The following DLGAP1 variants were observed in gnomAD, a reference collection of about 807,000 sequenced individuals.
DLGAP1 encodes the protein DLG associated protein 1.
Under a neutral mutation model 90.8 loss-of-function variants are expected in DLGAP1, and 11 were observed. The observed-to-expected ratio is 0.12, with a 90% CI of 0.08 to 0.20. The LOEUF (loss-of-function observed/expected upper bound fraction) is 0.20, where lower values mean the gene tolerates loss of function less well. Among genes scored for constraint, DLGAP1 ranks in the 10% least tolerant of loss-of-function variants. DLGAP1 has a pLI of 1.00. For missense variants in DLGAP1, 1,050 were observed against 1,333.8 expected (o/e 0.79, Z 3.31); for synonymous variants, 558 against 540.7 (o/e 1.03, Z -0.44).
At chr18:4,143,250 A>G (rs1482764255) in intron 2 of DLGAP1, among the ~76,000 whole-genome samples, 2 of 152,072 alleles carry the variant, frequency 1.3e-5, no homozygotes, top group Admixed American at 1.3e-4. Flanking sequence ...GACACAATCC[A>G]GGAGCCAGGG....
chr18:4,046,957 G>C (rs2075064222), intron 2 of DLGAP1, among the ~76,000 whole-genome samples: 1 of 152,208 alleles, frequency 6.6e-6, no homozygotes, highest in South Asian at 2.1e-4. Context: ...GATAAGACCT[G>C]AGCGAGATGC....
intron 3 of DLGAP1, among the ~76,000 whole-genome samples, chr18:3,914,188 A>G (rs1348060358): frequency 6.6e-6 from 1 of 152,176 alleles, no homozygotes; most frequent in Non-Finnish European, 1.5e-5. Context: ...GAAACTTTGT[A>G]TACTTTCTGA....
intron 1 of DLGAP1, among the ~76,000 whole-genome samples, chr18:4,319,355 TC>T (rs2080618316): frequency 6.6e-6 from 1 of 152,180 alleles, no homozygotes; most frequent in African/African-American, 2.4e-5. Flanking sequence ...CTTCTGTATA[TC>T]CTAATTTAAA....
intron 3 of DLGAP1, among the ~76,000 whole-genome samples, chr18:3,915,107 A>G (rs1288990309): frequency 6.6e-6 from 1 of 152,142 alleles, no homozygotes; most frequent in Non-Finnish European, 1.5e-5. Context: ...CATTTCCCTG[A>G]TGACTAGTGA....
chr18:4,149,394 A>G (rs1054725712), intron 2 of DLGAP1, among the ~76,000 whole-genome samples: 5 of 151,948 alleles, frequency 3.3e-5, no homozygotes. Context: ...TTTTTCTTGG[A>G]GATACTTCAT....
chr18:4,061,543 C>A (rs942689032), intron 2 of DLGAP1, among the ~76,000 whole-genome samples: 2 of 151,432 alleles, frequency 1.3e-5, no homozygotes, highest in Admixed American at 6.6e-5. Context: ...TTATAAAAAT[C>A]TTATCTTATG....
At chr18:4,001,165 A>G (rs1005310455) in intron 3 of DLGAP1, among the ~76,000 whole-genome samples, 15 of 151,846 alleles carry the variant, frequency 9.9e-5, no homozygotes, top group African/African-American at 1.7e-4. Flanking sequence ...GTGTTCATTC[A>G]CTATTTTATT....
At chr18:3,600,657 T>TATCTATAGAGATCTATAGAG (rs1365980956) in intron 7 of DLGAP1, among the ~76,000 whole-genome samples, 5 of 147,264 alleles carry the variant, frequency 3.4e-5, no homozygotes, top group African/African-American at 1.3e-4. Flanking sequence ...GAGATATAGA[T>TATCTATAGAGATCTATAGAG]ATCTATAGAG....
intron 3 of DLGAP1, among the ~76,000 whole-genome samples, chr18:3,996,924 T>C (rs1475912648): frequency 1.3e-5 from 2 of 152,050 alleles, no homozygotes; most frequent in African/African-American, 2.4e-5. Flanking sequence ...CAGATATTGA[T>C]GTTTAGGACT....
chr18:3,772,399 T>C (rs868155672), intron 5 of DLGAP1, among the ~76,000 whole-genome samples: 870 of 36,934 alleles, frequency 0.024, 46 homozygotes, highest in African/African-American at 0.056. Context: ...TTTCTTTCTT[T>C]CTTTCTTTCT....
intron 1 of DLGAP1, among the ~76,000 whole-genome samples, chr18:4,372,456 A>T (rs764721687): frequency 1.1e-4 from 16 of 152,232 alleles, no homozygotes; most frequent in Non-Finnish European, 2.1e-4. Context: ...TCAAAATAGC[A>T]TGTGCTGGAG....
chr18:4,177,405 G>T (rs2077127853), intron 1 of DLGAP1, among the ~76,000 whole-genome samples: 1 of 146,736 alleles, frequency 6.8e-6, no homozygotes, highest in African/African-American at 2.5e-5. Context: ...CACTTCCTTG[G>T]CTTGCTGCTG....
At chr18:3,987,393 T>C (rs2073865118) in intron 3 of DLGAP1, among the ~76,000 whole-genome samples, 2 of 152,182 alleles carry the variant, frequency 1.3e-5, no homozygotes, top group South Asian at 4.1e-4. Flanking sequence ...CTGGCTTCAA[T>C]GGGCACTAAT....
chr18:4,301,609 A>G (rs1177446969), intron 1 of DLGAP1, among the ~76,000 whole-genome samples: 1 of 152,240 alleles, frequency 6.6e-6, no homozygotes, highest in Non-Finnish European at 1.5e-5. Flanking sequence ...GAACACGGAT[A>G]TGCAGATATG....
intron 7 of DLGAP1, chr18:3,596,973 T>C (rs549587979): frequency 1.9e-6 from 1 of 520,028 alleles, no homozygotes; most frequent in South Asian, 1.4e-5. Context: ...ATGTCCCCCA[T>C]TCTCCCCACT....
At chr18:4,296,644 C>T (rs4798210) in intron 1 of DLGAP1, among the ~76,000 whole-genome samples, 37,184 of 152,110 alleles carry the variant, frequency 0.24, 4,700 homozygotes, top group Non-Finnish European at 0.26. Flanking sequence ...AGCTCTGTAA[C>T]GTCTACATTC....
intron 1 of DLGAP1, among the ~76,000 whole-genome samples, chr18:4,429,159 A>G (rs532361949): frequency 6.6e-6 from 1 of 152,374 alleles, no homozygotes; most frequent in Non-Finnish European, 1.5e-5. Context: ...TCATTTATAT[A>G]TAAAGGCAAT....
In DLGAP1 at chr18:3,497,415, G is replaced by A. The variant is rs905801835; in HGVS notation, c.*1770C>T. The A allele has an allele frequency of 1.3e-5, 2 of 152,108 alleles. No homozygotes were observed. The highest frequency in any genetic ancestry group is 2.4e-5 in the African/African-American group (1 of 41,404). The allele number at this position is 152,108 out of a possible 1,614,324, so 9.4% of individuals were successfully genotyped here. A position where few individuals can be genotyped will look rare whatever the true frequency, so the allele number is the denominator to read the frequency against. ...CCACAGCAGTAAACATTTGTGCCCTGTTTATAAAGGTAGCTCAAAGCATCG... is the reference window on the plus strand; with the variant it reads ...CCACAGCAGTAAACATTTGTGCCCTATTTATAAAGGTAGCTCAAAGCATCG... On this transcript the variant is annotated 3_prime_UTR_variant, in exon 13 of 13. Transcript: ENST00000315677.
At chr18:4,048,472 T>C (rs571391075) in intron 2 of DLGAP1, among the ~76,000 whole-genome samples, 18 of 152,316 alleles carry the variant, frequency 1.2e-4, no homozygotes, top group African/African-American at 4.3e-4. Context: ...TGGTCAGAAG[T>C]GGCATTTTCT....
Sources: allele counts gnomAD v4.1 joint callset (sites outside exome capture counted in the v4.1 genomes callset), GRCh38; gene constraint gnomAD v4.1.1; transcripts MANE v1.5; gene names NCBI Gene and HGNC (gene_info 2026-07-23, HGNC 2026-07-21).